The following MOV10 variants were observed in gnomAD, a reference collection of about 807,000 sequenced individuals.
MOV10 encodes the protein Mov10 RNA helicase.
MOV10 carries 39 observed loss-of-function variants against 108.4 expected under a neutral mutation model. The observed-to-expected ratio is 0.36, with a 90% confidence interval of 0.28 to 0.47. MOV10 has a LOEUF of 0.47. Among genes scored for constraint, MOV10 ranks in the 20% least tolerant of loss-of-function variants. MOV10 has a pLI of 1.00. For synonymous variants in MOV10, 490 were observed against 523.1 expected (o/e 0.94, Z 0.86); for missense variants, 952 against 1,297.6 (o/e 0.73, Z 4.09).
chr1:112,697,317 A>G (rs1325364384), intron 14 of MOV10, among the ~76,000 whole-genome samples: 1 of 152,094 alleles, frequency 6.6e-6, no homozygotes, highest in African/African-American at 2.4e-5. Context: ...TAAAAATACA[A>G]AAATTAGCCA....
chr1:112,687,135 G>A, intron 2 of MOV10: 1 of 422,950 alleles, frequency 2.4e-6, no homozygotes, highest in East Asian at 7.1e-5. Flanking sequence ...TACTACTACT[G>A]CTACTATTAG....
chr1:112,691,675 T>A lies in MOV10; in HGVS notation c.847T>A (p.Tyr283Asn), dbSNP rs752212749. The change falls in exon 6 of 21, where the codon TAT becomes AAT. Residue 283 changes from tyrosine (Y) to asparagine (N), a missense_variant. Transcript: ENST00000369645. ...CCCTCGATTCTGCAGCGCTAAGGGCTATGACCTGGAGTTAAGTATGGCGCT... is the reference window on the plus strand; with the variant it reads ...CCCTCGATTCTGCAGCGCTAAGGGCAATGACCTGGAGTTAAGTATGGCGCT... ...EGERPDRAKG[Y>N]DLELSMALGT... The A allele has an allele frequency of 6.2e-7, 1 of 1,614,028 alleles. No homozygotes were observed. The highest frequency in any genetic ancestry group is 1.3e-5 in the African/African-American group (1 of 74,916).
At position 112,700,304 on chromosome 1, in the gene MOV10, C is replaced by T; in HGVS notation, c.2884C>T (p.Leu962=). ...GGACCTGCAACAGGGACAGAATTTA[C>T]TGCAAGGTCTGAGCAAGCTCAGCCC... ...KLDLQQGQNL[L]QGLSKLSPST... The change falls in exon 20 of 21, where the codon CTG becomes TTG. Residue 962 remains leucine (L), a synonymous_variant. Transcript: ENST00000369645. 6.2e-7 allele frequency: 1 copy of T among 1,614,228 alleles called. No individual in the cohort carries two copies. The highest frequency in any genetic ancestry group is 8.5e-7 in the Non-Finnish European group (1 of 1,180,040).
chr1:112,676,354 T>A (rs1380146974), intron 2 of MOV10, among the ~76,000 whole-genome samples: 1 of 152,190 alleles, frequency 6.6e-6, no homozygotes, highest in African/African-American at 2.4e-5. Context: ...CATCACATGG[T>A]ATCAACACTT....
intron 2 of MOV10, among the ~76,000 whole-genome samples, chr1:112,682,237 T>A (rs1435365412): frequency 6.6e-6 from 1 of 152,160 alleles, no homozygotes; most frequent in East Asian, 1.9e-4. Flanking sequence ...GTTTTTTGTT[T>A]TTTTAAGTCA....
At chr1:112,699,470 G>T in intron 17 of MOV10, 1 of 1,407,576 alleles carries the variant, frequency 7.1e-7, no homozygotes, top group South Asian at 1.6e-5. Flanking sequence ...CACTTTGCAG[G>T]CCCCAGCCCT....
chr1:112,700,340 G>T lies in MOV10; in HGVS notation c.2920G>T (p.Gly974Trp). The change falls in exon 20 of 21, where the codon GGG becomes TGG. Residue 974 changes from glycine to tryptophan, a missense_variant and splice_region_variant. By Grantham distance (184) the Gly-to-Trp change is radical. This residue lies in a region of MOV10 where 42 missense variants were observed against 36.5 expected (regional missense o/e 1.15). Coordinates refer to ENST00000369645, the MANE Select transcript of MOV10 (RefSeq NM_001321324.2). ...GLSKLSPSTS[G>W]PHSHDYLPQE... is the part of the protein sequence containing the mutation. ...GAGCAAGCTCAGCCCCTCTACCTCA[G>T]GTATGGCTGGGCCAGGGTGGGGACA... The T allele has an allele frequency of 6.2e-7, 1 of 1,614,230 alleles. No individual in the cohort carries two copies. The highest frequency in any genetic ancestry group is 8.5e-7 in the Non-Finnish European group (1 of 1,180,044).
rs1277842211 is a variant in MOV10, at chr1:112,699,801, G to C, written c.2700G>C (p.Lys900Asn). Residue 900 changes from lysine to asparagine, a missense_variant, in exon 18 of 21, where the codon AAG (lysine) becomes AAC (asparagine). Lys to Asn is a moderately conservative substitution (Grantham distance 94). Coordinates refer to ENST00000369645, the MANE Select transcript of MOV10 (RefSeq NM_001321324.2). ...TGGACTTTAATCTGGGTTTCCTTAA[G>C]AACCCCAAGGTTTGAGGGCTGGTCG... ...LDLDFNLGFL[K>N]NPKRFNVAVT... 2.2e-5 allele frequency: 36 copies of C among 1,614,086 alleles called. No individual in the cohort carries two copies. Among genetic ancestry groups the C allele is most frequent in the Non-Finnish European group, 3.1e-5 (36 of 1,180,040 alleles).
chr1:112,699,470 G>C lies in MOV10; in HGVS notation c.2584-215G>C, dbSNP rs192715153. On this transcript the variant is annotated intron_variant, in intron 17 of 20. Coordinates refer to ENST00000369645, the MANE Select transcript of MOV10 (RefSeq NM_001321324.2). ...TTTCTTTCCTTAGAACACTTTGCAG[G>C]CCCCAGCCCTCAGCAGGATTCAACC... is the stretch of plus-strand genomic sequence containing the variant. 26 of 1,407,576 alleles carry C rather than the reference G, an allele frequency of 1.8e-5. No homozygotes were observed. In the Admixed American group the frequency reaches 7.1e-4, roughly 38 times the overall value. 87.2% of individuals were successfully genotyped at this position (1,407,576 alleles called of 1,614,324 possible).
At chr1:112,679,037 C>G (rs1175339990) in intron 2 of MOV10, among the ~76,000 whole-genome samples, 3 of 152,062 alleles carry the variant, frequency 2.0e-5, no homozygotes, top group Non-Finnish European at 2.9e-5. Context: ...CTTTGACCCG[C>G]TAATGGGAGT....
chr1:112,699,997 C>T lies in MOV10; in HGVS notation c.2798+15C>T, dbSNP rs1471194735. On this transcript the variant is annotated intron_variant, in intron 19 of 20. Transcript: ENST00000369645. ...GACTGGAAAGTGTGAGCATTCCCAC[C>T]CCATTCTCCCTCTTAGTGGCCACAG... The T allele has an allele frequency of 3.7e-6, 6 of 1,613,886 alleles. No individual in the cohort carries two copies. The highest frequency in any genetic ancestry group is 2.7e-5 in the African/African-American group (2 of 74,926).
chr1:112,678,171 A>G (rs1216845564), intron 2 of MOV10, among the ~76,000 whole-genome samples: 4 of 152,092 alleles, frequency 2.6e-5, no homozygotes, highest in African/African-American at 9.7e-5. Context: ...GTTGTGAGAG[A>G]CCAAAATGAG....
intron 2 of MOV10, among the ~76,000 whole-genome samples, chr1:112,681,592 G>A (rs182945445): frequency 5.3e-4 from 80 of 152,164 alleles, no homozygotes; most frequent in African/African-American, 1.8e-3. Context: ...GCATTGTTGG[G>A]ATTTTTTCCC....
intron 2 of MOV10, among the ~76,000 whole-genome samples, chr1:112,684,262 ATTTTTTTTTT>A (rs71084487): frequency 2.1e-5 from 2 of 93,838 alleles, no homozygotes; most frequent in Non-Finnish European, 4.1e-5. Flanking sequence ...AGTCCCTGGG[ATTTTTTTTTT>A]TTTTTTTTTT....
In MOV10 at chr1:112,689,827, C is replaced by G; in HGVS notation, c.578-13C>G. 6.2e-7 allele frequency: 1 copy of G among 1,611,782 alleles called. No homozygotes were observed. Among genetic ancestry groups the G allele is most frequent in the South Asian group, 1.1e-5 (1 of 90,814 alleles). On this transcript the variant is annotated splice_polypyrimidine_tract_variant and intron_variant, in intron 4 of 20. Transcript: ENST00000369645. ...GGGTCCCTACCCCCATTCACTCATC[C>G]ATTCTCCTCCAGGTGAATGCTATGA...
chr1:112,674,776 C>T, intron 1 of MOV10, 47 bp downstream of exon 1: 1 of 818,522 alleles, frequency 1.2e-6, no homozygotes, highest in Non-Finnish European at 1.8e-6. Context: ...GAAGGGAGCC[C>T]GCAGGATCAG....
At chr1:112,695,653 A>G in intron 11 of MOV10, 79 bp downstream of exon 11, 1 of 1,459,208 alleles carries the variant, frequency 6.9e-7, no homozygotes, top group Non-Finnish European at 9.2e-7. Context: ...CGAGGAAGCT[A>G]GGAGACCTGG....
In MOV10 at chr1:112,674,978, C is replaced by A; in HGVS notation, c.66C>A (p.Val22=). Residue 22 remains valine (V), a synonymous_variant, in exon 2 of 21, where the codon GTC becomes GTA. Coordinates refer to ENST00000369645, the MANE Select transcript of MOV10 (RefSeq NM_001321324.2). ...EAGQCFESFL[V]VRGLDMETDR... ...GCCAGTGTTTCGAGAGTTTCCTGGTCGTTCGGGGACTGGACATGGAGACAG... is the reference window on the plus strand; with the variant it reads ...GCCAGTGTTTCGAGAGTTTCCTGGTAGTTCGGGGACTGGACATGGAGACAG... 6.3e-7 allele frequency: 1 copy of A among 1,581,554 alleles called. No individual in the cohort carries two copies. Among genetic ancestry groups the A allele is most frequent in the South Asian group, 1.1e-5 (1 of 88,174 alleles).
chr1:112,697,866 T>C, intron 14 of MOV10, 128 bp from the exon 15 acceptor site: 1 of 737,834 alleles, frequency 1.4e-6, no homozygotes, highest in South Asian at 1.6e-5. Flanking sequence ...TGGAGGAGTG[T>C]CCTGCTATCC....
Sources: gnomAD v4.1 joint callset for allele counts (sites outside exome capture counted in the v4.1 genomes callset) on GRCh38, gnomAD v4.1.1 for gene constraint, gnomAD v4.1.1 regional missense constraint, MANE v1.5 for transcripts, NCBI Gene and HGNC (gene_info 2026-07-23, HGNC 2026-07-21) for gene names.